TRPS1: variants seen among roughly 807,000 people sequenced by gnomAD.
The protein encoded by TRPS1 is transcriptional repressor GATA binding 1.
In TRPS1, 6 loss-of-function variants were observed where a neutral mutation model predicts 101.2. That is an observed-to-expected ratio of 0.06 (90% CI 0.03 to 0.12). The LOEUF (loss-of-function observed/expected upper bound fraction) is 0.12, where lower values mean the gene tolerates loss of function less well. TRPS1 is among the 10% of genes least tolerant of loss of function. The probability of loss-of-function intolerance (pLI) is 1.00; values close to 1 mark genes in which losing one functional copy is unlikely to be tolerated. For synonymous variants in TRPS1, 578 were observed against 589.8 expected, an observed-to-expected ratio of 0.98 and a Z score of 0.29; for missense variants, 1,363 against 1,567.0, an observed-to-expected ratio of 0.87 and a Z score of 2.20.
chr8:115,534,129 C>G (rs1201342855), intron 5 of TRPS1, among the ~76,000 whole-genome samples: 2 of 142,660 alleles, frequency 1.4e-5, no homozygotes, highest in African/African-American at 5.2e-5. Flanking sequence ...ACACTGGAGG[C>G]TGAAGCTCTA....
At chr8:115,523,154 T>C (rs918355382) in intron 5 of TRPS1, among the ~76,000 whole-genome samples, 2 of 152,242 alleles carry the variant, frequency 1.3e-5, no homozygotes, top group African/African-American at 4.8e-5. Flanking sequence ...CAAAATATAC[T>C]GTTAAGTGCA....
At chr8:115,596,331 G>A (rs917698587) in intron 4 of TRPS1, among the ~76,000 whole-genome samples, 3 of 151,858 alleles carry the variant, frequency 2.0e-5, no homozygotes, top group Non-Finnish European at 4.4e-5. Flanking sequence ...TTAATAGTGA[G>A]ATTGATCATT....
chr8:115,544,277 G>A (rs982447606), intron 5 of TRPS1, among the ~76,000 whole-genome samples: 2 of 151,372 alleles, frequency 1.3e-5, no homozygotes, highest in Admixed American at 6.6e-5. Context: ...TCAGGGAAAT[G>A]GGAGTTATAG....
intron 1 of TRPS1, among the ~76,000 whole-genome samples, chr8:115,648,622 C>T (rs982621316): frequency 6.6e-6 from 1 of 152,202 alleles, no homozygotes; most frequent in Non-Finnish European, 1.5e-5. Context: ...TCCTGATCTG[C>T]AGTTCTGATT....
chr8:115,620,419 C>T (rs1400978141), intron 2 of TRPS1, among the ~76,000 whole-genome samples: 2 of 151,830 alleles, frequency 1.3e-5, no homozygotes, highest in African/African-American at 2.4e-5. Flanking sequence ...TATATGCATG[C>T]TTATATATTT....
chr8:115,414,311 C>T lies in TRPS1; in HGVS notation c.3597G>A (p.Lys1199=). Residue 1199 remains lysine (K), a synonymous_variant, in exon 7 of 7, where the codon AAG becomes AAA. Transcript: ENST00000395715. This position sits in a 1 kb window ranked among gnomAD's most constrained non-coding sequence, Gnocchi z 4.8. ...TANGASKEKT[K]APPNVKNEGP... The stretch of plus-strand genomic sequence containing the variant: ...CTTCATTTTTTACATTTGGTGGTGC[C>T]TTCGTTTTCTCCTTGGAGGCACCGT... 1.9e-6 allele frequency: 3 copies of T among 1,613,914 alleles called. No homozygotes were observed. The highest frequency in any genetic ancestry group is 2.5e-6 in the Non-Finnish European group (3 of 1,179,936).
intron 5 of TRPS1, among the ~76,000 whole-genome samples, chr8:115,575,322 T>A (rs1817293465): frequency 6.6e-6 from 1 of 152,110 alleles, no homozygotes; most frequent in Admixed American, 6.6e-5. Flanking sequence ...TAAAACAGCG[T>A]GTAATTTATT....
chr8:115,517,880 G>A (rs1312855453), intron 5 of TRPS1, among the ~76,000 whole-genome samples: 1 of 151,718 alleles, frequency 6.6e-6, no homozygotes, highest in Non-Finnish European at 1.5e-5. Context: ...CTGGTTGACT[G>A]GGTTTGTTTG....
chr8:115,519,942 T>C (rs992036005), intron 5 of TRPS1, among the ~76,000 whole-genome samples: 1 of 151,826 alleles, frequency 6.6e-6, no homozygotes, highest in African/African-American at 2.4e-5. Flanking sequence ...TTTGTAACTA[T>C]ATTTTGGCAG....
chr8:115,508,795 A>G (rs968681448), intron 5 of TRPS1, among the ~76,000 whole-genome samples: 5 of 151,926 alleles, frequency 3.3e-5, no homozygotes, highest in African/African-American at 1.2e-4. Flanking sequence ...TTTGCTCACT[A>G]CTGCAAAACT....
At chr8:115,550,604 T>C (rs1420717378) in intron 5 of TRPS1, among the ~76,000 whole-genome samples, 1 of 152,302 alleles carries the variant, frequency 6.6e-6, no homozygotes, top group African/African-American at 2.4e-5. Context: ...CTTTGCAAAG[T>C]AGTGACCTCT....
At chr8:115,653,460 T>G (rs542894848) in intron 1 of TRPS1, among the ~76,000 whole-genome samples, 1 of 152,166 alleles carries the variant, frequency 6.6e-6, no homozygotes, top group African/African-American at 2.4e-5. Context: ...ATCAGCATAC[T>G]AGTCAAAATA....
chr8:115,549,409 T>C (rs1306167456), intron 5 of TRPS1, among the ~76,000 whole-genome samples: 1 of 152,222 alleles, frequency 6.6e-6, no homozygotes, highest in Non-Finnish European at 1.5e-5. Context: ...TTGTATAAGA[T>C]GATAACATCA....
intron 4 of TRPS1, among the ~76,000 whole-genome samples, chr8:115,593,192 C>A (rs147674971): frequency 6.6e-6 from 1 of 152,134 alleles, no homozygotes; most frequent in Admixed American, 6.6e-5. Flanking sequence ...TCAACATTCA[C>A]AGCTTTATAA....
At chr8:115,585,468 T>C (rs1817542003) in intron 5 of TRPS1, among the ~76,000 whole-genome samples, 1 of 152,100 alleles carries the variant, frequency 6.6e-6, no homozygotes. Flanking sequence ...GGAAAGGGGT[T>C]CCGGTGATAT....
rs181061582 is a variant in TRPS1 at position 115,503,118 on chromosome 8, G to C, written c.2700+83883C>G. ...TTCTACAAAAAATTACCTGGGCGTG[G>C]TGGCGGGCGCTTGTATTCCCAGCTA... On this transcript the variant is annotated intron_variant, in intron 5 of 6. Coordinates refer to ENST00000395715, the MANE Select transcript of TRPS1 (RefSeq NM_014112.5). 9.9e-4 allele frequency among the ~76,000 whole-genome samples: 150 copies of C among 152,064 alleles called. 2 individuals carry two copies. The highest frequency in any genetic ancestry group is 3.5e-3 in the African/African-American group (146 of 41,478).
intron 5 of TRPS1, among the ~76,000 whole-genome samples, chr8:115,557,004 T>C (rs558284710): frequency 6.6e-6 from 1 of 152,250 alleles, no homozygotes; most frequent in African/African-American, 2.4e-5. Context: ...GGACTTACAA[T>C]TCCACATGGC....
At chr8:115,533,957 T>A (rs1237082043) in intron 5 of TRPS1, among the ~76,000 whole-genome samples, 1 of 152,076 alleles carries the variant, frequency 6.6e-6, no homozygotes, top group African/African-American at 2.4e-5. Flanking sequence ...CCTAATTACA[T>A]CTTAAAAGCC....
intron 5 of TRPS1, among the ~76,000 whole-genome samples, chr8:115,465,119 A>C (rs1315141063): frequency 6.6e-6 from 1 of 152,084 alleles, no homozygotes; most frequent in African/African-American, 2.4e-5. Flanking sequence ...TTTCAATTTC[A>C]CTTCAGAGTT....
Sources: allele counts gnomAD v4.1 joint callset (sites outside exome capture counted in the v4.1 genomes callset), GRCh38; gene constraint gnomAD v4.1.1; non-coding constraint Gnocchi (gnomAD v3.1); transcripts MANE v1.5; gene names NCBI Gene and HGNC (gene_info 2026-07-23, HGNC 2026-07-21).